The following PSD3 variants were observed in gnomAD, a reference collection of about 807,000 sequenced individuals.
PSD3 encodes PH and SEC7 domain-containing protein 3.
A neutral mutation model predicts 105.5 loss-of-function variants in PSD3; 49 were observed. The observed-to-expected ratio is 0.46, with a 90% CI of 0.37 to 0.59. The LOEUF (loss-of-function observed/expected upper bound fraction) is 0.59. Ranked by LOEUF, PSD3 falls within the 20% of genes least tolerant of loss-of-function variation. The pLI is 0.00. For missense variants in PSD3, 1,561 were observed against 1,263.8 expected (o/e 1.24, Z -3.57); for synonymous variants, 557 against 457.8 (o/e 1.22, Z -2.77).
At chr8:18,735,997 CA>C (rs1162950524) in intron 9 of PSD3, among the ~76,000 whole-genome samples, 2 of 152,202 alleles carry the variant, frequency 1.3e-5, no homozygotes, top group South Asian at 4.2e-4. Flanking sequence ...TATCTAACTA[CA>C]AAAAACAATC....
chr8:18,761,818 G>A (rs757719468), intron 9 of PSD3, among the ~76,000 whole-genome samples: 5 of 152,186 alleles, frequency 3.3e-5, no homozygotes, highest in South Asian at 2.1e-4. Flanking sequence ...GATGGGTGGA[G>A]CCAGTAGAAA....
intron 8 of PSD3, 53 bp downstream of exon 8, chr8:18,799,242 G>C: frequency 6.9e-7 from 1 of 1,449,722 alleles, no homozygotes; most frequent in Non-Finnish European, 9.7e-7. Context: ...GAACATAAAA[G>C]CAGAGATAAG....
At chr8:18,646,732 C>T (rs1008989517) in intron 10 of PSD3, among the ~76,000 whole-genome samples, 3 of 151,976 alleles carry the variant, frequency 2.0e-5, no homozygotes, top group African/African-American at 4.8e-5. Context: ...ATTACCAACT[C>T]TCACAGAGAA....
At chr8:19,024,933 C>T (rs1289609464) in intron 1 of PSD3, among the ~76,000 whole-genome samples, 1 of 152,126 alleles carries the variant, frequency 6.6e-6, no homozygotes, top group Non-Finnish European at 1.5e-5. Flanking sequence ...TGTCTGTGAG[C>T]CTCAGTTCTG....
At chr8:18,848,124 C>A (rs59222441) in intron 4 of PSD3, among the ~76,000 whole-genome samples, 1,473 of 123,288 alleles carry the variant, frequency 0.012, 25 homozygotes, top group African/African-American at 0.036. Flanking sequence ...CACAAGCTTT[C>A]GAGAGTTAAA....
chr8:18,855,048 G>A (rs1187608518), intron 4 of PSD3, among the ~76,000 whole-genome samples: 1 of 152,206 alleles, frequency 6.6e-6, no homozygotes, highest in Non-Finnish European at 1.5e-5. Context: ...ACCAATGGAT[G>A]CCAGAGTGTG....
chr8:18,859,882 T>G (rs1816308248), intron 4 of PSD3, among the ~76,000 whole-genome samples: 1 of 152,236 alleles, frequency 6.6e-6, no homozygotes, highest in Non-Finnish European at 1.5e-5. Flanking sequence ...TAAGGTGTTT[T>G]CCTTATTATT....
intron 2 of PSD3, among the ~76,000 whole-genome samples, chr8:18,895,407 T>C (rs1456298499): frequency 2.0e-5 from 3 of 152,198 alleles, no homozygotes; most frequent in African/African-American, 7.2e-5. Context: ...CTATCTACAG[T>C]CACCAAGACT....
chr8:18,756,220 T>A (rs78511717), intron 9 of PSD3, among the ~76,000 whole-genome samples: 1 of 152,128 alleles, frequency 6.6e-6, no homozygotes, highest in Admixed American at 6.6e-5. Flanking sequence ...GCTCTTTTTT[T>A]AGCTACACTT....
chr8:18,835,883 G>A (rs1325101494), intron 4 of PSD3, among the ~76,000 whole-genome samples: 1 of 151,496 alleles, frequency 6.6e-6, no homozygotes. Flanking sequence ...GTGTAGATGG[G>A]GGGGCGGATC....
intron 12 of PSD3, among the ~76,000 whole-genome samples, chr8:18,594,383 C>A (rs1424773227): frequency 1.9e-5 from 2 of 103,260 alleles, no homozygotes; most frequent in South Asian, 2.6e-4. Context: ...TAATATAATA[C>A]ATTATATATA....
intron 12 of PSD3, among the ~76,000 whole-genome samples, chr8:18,590,964 T>A (rs1291715527): frequency 2.0e-5 from 3 of 152,138 alleles, no homozygotes; most frequent in African/African-American, 7.2e-5. Context: ...TGATTCCACA[T>A]AGATTTAAAC....
At chr8:18,958,411 T>A (rs1292773521) in intron 1 of PSD3, among the ~76,000 whole-genome samples, 1 of 152,206 alleles carries the variant, frequency 6.6e-6, no homozygotes, top group East Asian at 1.9e-4. Context: ...CTATTTCCCT[T>A]TTTTGTTTAC....
intron 1 of PSD3, among the ~76,000 whole-genome samples, chr8:18,968,257 A>G (rs1486066331): frequency 6.6e-6 from 1 of 152,210 alleles, no homozygotes; most frequent in Admixed American, 6.5e-5. Flanking sequence ...ACCTCCCTGC[A>G]AGTCCAATTC....
chr8:18,980,571 C>T (rs1210272521), intron 1 of PSD3, among the ~76,000 whole-genome samples: 10 of 151,986 alleles, frequency 6.6e-5, no homozygotes, highest in African/African-American at 2.2e-4. Flanking sequence ...TTACATCTAC[C>T]ATCTTATTTG....
At chr8:18,581,053 C>T (rs1466283795) in intron 12 of PSD3, among the ~76,000 whole-genome samples, 2 of 152,144 alleles carry the variant, frequency 1.3e-5, no homozygotes, top group Non-Finnish European at 2.9e-5. Flanking sequence ...ATGACAGAAA[C>T]TGAGAGAGAA....
At chr8:18,955,772 A>ATTTATTTAT (rs1333417639) in intron 1 of PSD3, among the ~76,000 whole-genome samples, 5 of 151,154 alleles carry the variant, frequency 3.3e-5, no homozygotes, top group Non-Finnish European at 7.4e-5. Context: ...TTATTTATTT[A>ATTTATTTAT]TTTATTTTAT....
chr8:18,552,566 A>T (rs1800830846), intron 15 of PSD3, among the ~76,000 whole-genome samples: 1 of 152,216 alleles, frequency 6.6e-6, no homozygotes, highest in South Asian at 2.1e-4. Context: ...CATTGACACA[A>T]AACATCGATC....
At chr8:19,021,556 TAC>T (rs778449345) in intron 1 of PSD3, among the ~76,000 whole-genome samples, 28 of 134,640 alleles carry the variant, frequency 2.1e-4, no homozygotes, top group African/African-American at 8.1e-4. Context: ...GCTTTTTTGT[TAC>T]AAAAAAAAAA....
Sources: gnomAD v4.1 joint callset for allele counts (sites outside exome capture counted in the v4.1 genomes callset) on GRCh38, gnomAD v4.1.1 for gene constraint, MANE v1.5 for transcripts, NCBI Gene and HGNC (gene_info 2026-07-23, HGNC 2026-07-21) for gene names.